Variants in MDGA2 observed in about 807,000 individuals in gnomAD.
MDGA2 encodes MAM domain containing glycosylphosphatidylinositol anchor 2.
A neutral mutation model predicts 117.8 loss-of-function variants in MDGA2; 40 were observed. The ratio of observed to expected loss-of-function variants is 0.34; its 90% confidence interval spans 0.26 to 0.44. The LOEUF is 0.44. Among genes scored for constraint, MDGA2 ranks in the 20% least tolerant of loss-of-function variants. The pLI is 1.00. For missense variants in MDGA2, 1,123 were observed against 1,250.6 expected (o/e 0.90, Z 1.54); for synonymous variants, 452 against 439.0 (o/e 1.03, Z -0.37).
intron 1 of MDGA2, among the ~76,000 whole-genome samples, chr14:47,618,532 C>G (rs1180994053): frequency 6.6e-6 from 1 of 152,186 alleles, no homozygotes; most frequent in Non-Finnish European, 1.5e-5. Context: ...TTTCTTACTG[C>G]AATACATGTT....
chr14:47,250,363 ATTTG>A (rs901882058), intron 2 of MDGA2, among the ~76,000 whole-genome samples: 1 of 152,128 alleles, frequency 6.6e-6, no homozygotes, highest in East Asian at 1.9e-4. Context: ...TTTATTATTT[ATTTG>A]TTTGTTTACT....
chr14:47,609,346 T>G (rs1030179807), intron 1 of MDGA2, among the ~76,000 whole-genome samples: 2 of 145,694 alleles, frequency 1.4e-5, no homozygotes, highest in African/African-American at 5.0e-5. Context: ...TTACTTCACA[T>G]AGAATAATAG....
At chr14:47,227,434 C>T (rs915973296) in intron 2 of MDGA2, among the ~76,000 whole-genome samples, 2 of 152,182 alleles carry the variant, frequency 1.3e-5, no homozygotes, top group Admixed American at 6.5e-5. Context: ...TCAGCTTCCT[C>T]CCTTTCCTCT....
intron 14 of MDGA2, among the ~76,000 whole-genome samples, chr14:46,858,527 A>C (rs1881376141): frequency 6.9e-6 from 1 of 145,764 alleles, no homozygotes; most frequent in South Asian, 2.1e-4. Context: ...TCCCGGGTTC[A>C]CGCCATTCTC....
In MDGA2 at chr14:47,654,146, C is replaced by G. The variant is rs542070112; in HGVS notation, c.280+20371G>C. ...AAATTGTGTAAAAATTCCTTAGGTT[C>G]AGGTACAGAACTTAATTATAAGAGC... is the stretch of plus-strand genomic sequence containing the variant. On this transcript the variant is annotated intron_variant, in intron 1 of 16. Transcript: ENST00000399232. 5.3e-5 allele frequency among the ~76,000 whole-genome samples: 8 copies of G among 152,266 alleles called. No homozygotes were observed. The South Asian group carries it at 1.7e-3, about 31-fold the overall frequency.
intron 10 of MDGA2, among the ~76,000 whole-genome samples, chr14:46,902,550 G>T (rs1314947495): frequency 6.6e-6 from 1 of 152,060 alleles, no homozygotes; most frequent in Non-Finnish European, 1.5e-5. Context: ...TCTATGCTAA[G>T]AGAAATTTTC....
At chr14:46,996,963 G>A (rs1013155193) in intron 8 of MDGA2, 9 of 403,022 alleles carry the variant, frequency 2.2e-5, no homozygotes, top group Admixed American at 2.9e-5. Context: ...ACTTTGGTGG[G>A]AATAGCTTCA....
At chr14:47,005,594 T>C (rs1464939599) in intron 8 of MDGA2, among the ~76,000 whole-genome samples, 1 of 151,620 alleles carries the variant, frequency 6.6e-6, no homozygotes, top group African/African-American at 2.4e-5. Context: ...TATGGTTATT[T>C]ACTTTTTTAT....
chr14:46,897,029 T>A (rs1303290926), intron 10 of MDGA2, among the ~76,000 whole-genome samples: 1 of 152,158 alleles, frequency 6.6e-6, no homozygotes, highest in Non-Finnish European at 1.5e-5. Flanking sequence ...TTTAAAGAGA[T>A]ACCATAAACA....
chr14:47,647,368 A>G (rs1897554098), intron 1 of MDGA2, among the ~76,000 whole-genome samples: 1 of 152,138 alleles, frequency 6.6e-6, no homozygotes. Context: ...TTGTAATGTC[A>G]TCCTTGGGAT....
intron 5 of MDGA2, among the ~76,000 whole-genome samples, chr14:47,099,644 T>C (rs1253210416): frequency 6.6e-6 from 1 of 151,928 alleles, no homozygotes; most frequent in African/African-American, 2.4e-5. Flanking sequence ...TTATATAATG[T>C]GATAGTTAAG....
At chr14:46,959,567 G>A (rs1885710384) in intron 8 of MDGA2, among the ~76,000 whole-genome samples, 1 of 151,388 alleles carries the variant, frequency 6.6e-6, no homozygotes, top group Non-Finnish European at 1.5e-5. Flanking sequence ...TTTATTCATT[G>A]ACATTTACTG....
chr14:46,927,401 T>C (rs1431036420), intron 9 of MDGA2, among the ~76,000 whole-genome samples: 2 of 152,128 alleles, frequency 1.3e-5, no homozygotes, highest in African/African-American at 4.8e-5. Flanking sequence ...TTAAAAATGT[T>C]AAACATACAA....
chr14:47,208,049 T>A (rs1226633267), intron 3 of MDGA2, among the ~76,000 whole-genome samples: 1 of 151,942 alleles, frequency 6.6e-6, no homozygotes, highest in Non-Finnish European at 1.5e-5. Flanking sequence ...TTTCCTTCAA[T>A]TGTCAAAGGG....
chr14:46,902,704 T>G (rs1883335507), intron 10 of MDGA2, among the ~76,000 whole-genome samples: 2 of 152,176 alleles, frequency 1.3e-5, no homozygotes, highest in Non-Finnish European at 2.9e-5. Flanking sequence ...TATATGGCCA[T>G]GATATTTTCA....
At chr14:47,560,145 G>A (rs967112472) in intron 1 of MDGA2, among the ~76,000 whole-genome samples, 2 of 150,918 alleles carry the variant, frequency 1.3e-5, no homozygotes, top group African/African-American at 2.4e-5. Flanking sequence ...TCGGGTCACT[G>A]CAAGCTCCAC....
At chr14:46,954,355 A>C (rs1885482704) in intron 9 of MDGA2, among the ~76,000 whole-genome samples, 2 of 152,044 alleles carry the variant, frequency 1.3e-5, no homozygotes, top group Non-Finnish European at 2.9e-5. Context: ...AGTGAGTTGT[A>C]AAGTGTATTT....
At chr14:47,653,142 T>A (rs531583468) in intron 1 of MDGA2, among the ~76,000 whole-genome samples, 1 of 152,232 alleles carries the variant, frequency 6.6e-6, no homozygotes, top group African/African-American at 2.4e-5. Context: ...TAAGAACATG[T>A]GAAATTGCCA....
At chr14:47,512,669 G>T (rs994212322) in intron 1 of MDGA2, among the ~76,000 whole-genome samples, 1 of 152,098 alleles carries the variant, frequency 6.6e-6, no homozygotes, top group Non-Finnish European at 1.5e-5. Context: ...TTTCTTAGGA[G>T]ATGACAGCAT....
Sources: allele counts gnomAD v4.1 joint callset (sites outside exome capture counted in the v4.1 genomes callset), GRCh38; gene constraint gnomAD v4.1.1; transcripts MANE v1.5; gene names NCBI Gene and HGNC (gene_info 2026-07-23, HGNC 2026-07-21).